Variants in SSBP2 observed in about 807,000 individuals in gnomAD.
The protein encoded by SSBP2 is single-stranded DNA-binding protein 2.
Under a neutral mutation model 61.8 loss-of-function variants are expected in SSBP2, and 17 were observed. That is an observed-to-expected ratio of 0.28 (90% CI 0.19 to 0.41). SSBP2 has a LOEUF of 0.41. Among genes scored for constraint, SSBP2 ranks in the 10% least tolerant of loss-of-function variants. The pLI is 1.00. For synonymous variants in SSBP2, 139 were observed against 141.3 expected (o/e 0.98, Z 0.12); for missense variants, 310 against 458.7 (o/e 0.68, Z 2.96).
chr5:81,440,535 A>C, intron 14 of SSBP2, 23 bp downstream of exon 14: 1 of 1,598,674 alleles, frequency 6.3e-7, no homozygotes, highest in Non-Finnish European at 8.6e-7. Context: ...ATTTATTCTA[A>C]ACATCAAATT....
At chr5:81,440,879 T>G (rs1470713485) in intron 13 of SSBP2, among the ~76,000 whole-genome samples, 1 of 152,218 alleles carries the variant, frequency 6.6e-6, no homozygotes, top group East Asian at 1.9e-4. Context: ...TATCTCCAAA[T>G]TTTTCTTCTT....
chr5:81,424,983 C>T lies in SSBP2; in HGVS notation c.1056+3602G>A, dbSNP rs1429838182. On this transcript the variant is annotated intron_variant, in intron 16 of 16. Coordinates refer to ENST00000320672, the MANE Select transcript of SSBP2 (RefSeq NM_012446.5). ...CTATTCTGAGTCTGGCTCTCCCTAACCAGATGATAAAACAGCTCTTACAAA... is the reference window on the plus strand; with the variant it reads ...CTATTCTGAGTCTGGCTCTCCCTAATCAGATGATAAAACAGCTCTTACAAA... Among the ~76,000 whole-genome samples, 52 of 152,178 alleles carry T rather than the reference C, an allele frequency of 3.4e-4. 1 individual carries two copies. The highest frequency in any genetic ancestry group is 3.4e-3 in the Admixed American group (52 of 15,274).
chr5:81,658,392 C>T (rs772070586), intron 1 of SSBP2, among the ~76,000 whole-genome samples: 3 of 152,026 alleles, frequency 2.0e-5, no homozygotes, highest in East Asian at 1.9e-4. Flanking sequence ...ACTCCAATAC[C>T]CCCACAGACA....
chr5:81,707,322 G>C (rs1561713280), intron 1 of SSBP2, among the ~76,000 whole-genome samples: 1 of 152,110 alleles, frequency 6.6e-6, no homozygotes, highest in African/African-American at 2.4e-5. Flanking sequence ...TGGAAATAAG[G>C]TCACTGAAGA....
rs1434878572 is a variant in SSBP2, at chr5:81,734,498, T to G, written c.62+16483A>C. Among the ~76,000 whole-genome samples, 4 of 152,186 alleles carry G rather than the reference T, an allele frequency of 2.6e-5. 1 individual carries two copies. The South Asian group carries it at 8.3e-4, about 32-fold the overall frequency. ...AAGCAAAACAGACAAGAAGTATATA[T>G]CCATAACATAAACAAATCCCAGTAC... On this transcript the variant is annotated intron_variant, in intron 1 of 16. Transcript: ENST00000320672.
chr5:81,505,973 CCATCCA>C (rs1768150887), intron 5 of SSBP2, among the ~76,000 whole-genome samples: 2 of 152,164 alleles, frequency 1.3e-5, no homozygotes, highest in South Asian at 4.1e-4. Flanking sequence ...TGCTCTCTGT[CCATCCA>C]GTTACTGCTG....
chr5:81,434,500 A>C (rs1042369704), intron 15 of SSBP2, among the ~76,000 whole-genome samples: 1 of 151,926 alleles, frequency 6.6e-6, no homozygotes, highest in Non-Finnish European at 1.5e-5. Flanking sequence ...CTACAGGCAC[A>C]TGCCTGTAAT....
At chr5:81,531,711 A>C (rs1433610302) in intron 4 of SSBP2, among the ~76,000 whole-genome samples, 1 of 152,092 alleles carries the variant, frequency 6.6e-6, no homozygotes, top group Non-Finnish European at 1.5e-5. Context: ...AAGAAATCAA[A>C]AGGTAGTTAA....
chr5:81,421,025 T>C (rs539062989), intron 16 of SSBP2, among the ~76,000 whole-genome samples: 7 of 152,310 alleles, frequency 4.6e-5, no homozygotes, highest in African/African-American at 1.2e-4. Context: ...CATGTATTTA[T>C]TGAATACACA....
intron 16 of SSBP2, among the ~76,000 whole-genome samples, chr5:81,424,252 C>T (rs558325113): frequency 2.3e-4 from 35 of 151,698 alleles, no homozygotes; most frequent in African/African-American, 4.8e-4. Flanking sequence ...GGTGAAACCC[C>T]GTTTCTACTA....
intron 4 of SSBP2, among the ~76,000 whole-genome samples, chr5:81,534,122 G>A (rs1770624423): frequency 6.6e-6 from 1 of 152,022 alleles, no homozygotes; most frequent in Non-Finnish European, 1.5e-5. Flanking sequence ...CCCACCTATG[G>A]AGTAGTGTGA....
chr5:81,577,175 CAATAT>C (rs997253687), intron 4 of SSBP2, among the ~76,000 whole-genome samples: 5 of 151,894 alleles, frequency 3.3e-5, no homozygotes, highest in African/African-American at 1.2e-4. Context: ...TGTCTTTTTA[CAATAT>C]AATAACATAT....
intron 1 of SSBP2, among the ~76,000 whole-genome samples, chr5:81,723,407 C>G (rs1162714062): frequency 2.6e-5 from 4 of 151,938 alleles, no homozygotes; most frequent in Non-Finnish European, 5.9e-5. Context: ...TCTCTTGCTT[C>G]TAGTCCCCAT....
intron 4 of SSBP2, among the ~76,000 whole-genome samples, chr5:81,526,822 A>G (rs980581876): frequency 6.6e-6 from 1 of 151,924 alleles, no homozygotes; most frequent in Admixed American, 6.6e-5. Flanking sequence ...TATATTTACC[A>G]GTGTGATAAA....
intron 6 of SSBP2, among the ~76,000 whole-genome samples, chr5:81,488,111 TC>T (rs1766575457): frequency 1.4e-5 from 2 of 141,900 alleles, no homozygotes; most frequent in South Asian, 4.6e-4. Flanking sequence ...ATTTTTTATA[TC>T]CATTCATTCA....
intron 4 of SSBP2, among the ~76,000 whole-genome samples, chr5:81,599,070 A>G (rs1411481740): frequency 1.3e-5 from 2 of 152,154 alleles, no homozygotes; most frequent in East Asian, 3.9e-4. Context: ...TAAATCATCT[A>G]AGGGCCCTGA....
intron 4 of SSBP2, among the ~76,000 whole-genome samples, chr5:81,583,462 T>C (rs1017362555): frequency 6.6e-6 from 1 of 151,778 alleles, no homozygotes; most frequent in South Asian, 2.1e-4. Context: ...ACCCCGTCTC[T>C]ACTAAAAATG....
chr5:81,694,946 G>GT (rs1753491170), intron 1 of SSBP2, among the ~76,000 whole-genome samples: 1 of 152,188 alleles, frequency 6.6e-6, no homozygotes, highest in Admixed American at 6.5e-5. Flanking sequence ...ACTGCAGTGA[G>GT]CTGTGACCAC....
At chr5:81,452,115 G>A (rs1337973420) in intron 10 of SSBP2, among the ~76,000 whole-genome samples, 1 of 152,132 alleles carries the variant, frequency 6.6e-6, no homozygotes, top group Non-Finnish European at 1.5e-5. Flanking sequence ...AGAAATCATG[G>A]TTTATTTGGG....
Sources: gnomAD v4.1 joint callset for allele counts (sites outside exome capture counted in the v4.1 genomes callset) on GRCh38, gnomAD v4.1.1 for gene constraint, MANE v1.5 for transcripts, NCBI Gene and HGNC (gene_info 2026-07-23, HGNC 2026-07-21) for gene names.